Variants in GRM5 observed in about 807,000 individuals in gnomAD.
GRM5 encodes glutamate metabotropic receptor 5.
In GRM5, 19 loss-of-function variants were observed where a neutral mutation model predicts 83.1. The ratio of observed to expected loss-of-function variants is 0.23; its 90% CI spans 0.16 to 0.34. GRM5 has a LOEUF of 0.34. Ranked by LOEUF, GRM5 falls within the 10% of genes least tolerant of loss-of-function variation. The pLI, the probability that GRM5 is intolerant of heterozygous loss-of-function variation, is 1.00. For synonymous variants in GRM5, 675 were observed against 633.6 expected (o/e 1.07, Z -0.98); for missense variants, 1,160 against 1,588.3 (o/e 0.73, Z 4.58).
chr11:88,758,716 A>T (rs534685429), intron 3 of GRM5, among the ~76,000 whole-genome samples: 1 of 152,314 alleles, frequency 6.6e-6, no homozygotes, highest in African/African-American at 2.4e-5. Context: ...AGAGAGGCAA[A>T]TGTTTATATT....
In GRM5 at chr11:88,525,485, CTG is replaced by C. The variant is rs1941850068; in HGVS notation, c.2631-83_2631-82del. The stretch of plus-strand genomic sequence containing the variant: ...CTGCCAGGCTGAGGAACGGCCGTGA[CTG>C]TGGAGATGGTCACTCTGTGCCAAAA... On this transcript the variant is annotated intron_variant, in intron 8 of 9. Coordinates refer to ENST00000305447, the MANE Select transcript of GRM5 (RefSeq NM_001143831.3). 13 of 849,680 alleles carry C rather than the reference CTG, an allele frequency of 1.5e-5. No homozygotes were observed. In the South Asian group the frequency reaches 2.0e-4, roughly 13 times the overall value. The allele number at this position is 849,680 out of a possible 1,614,324, so 52.6% of individuals were successfully genotyped here.
intron 3 of GRM5, among the ~76,000 whole-genome samples, chr11:88,710,963 C>T (rs1817787045): frequency 6.6e-6 from 1 of 151,934 alleles, no homozygotes; most frequent in Non-Finnish European, 1.5e-5. Context: ...TTATCTCATT[C>T]CCTGGAGGGA....
intron 4 of GRM5, among the ~76,000 whole-genome samples, chr11:88,632,643 T>C (rs1939007855): frequency 6.6e-6 from 1 of 152,236 alleles, no homozygotes; most frequent in African/African-American, 2.4e-5. Context: ...TTTAGGTTTT[T>C]TGGCGTTTGA....
chr11:89,043,041 G>A (rs751412061), intron 2 of GRM5, among the ~76,000 whole-genome samples: 1 of 152,092 alleles, frequency 6.6e-6, no homozygotes, highest in Non-Finnish European at 1.5e-5. Flanking sequence ...GCGTGAACAG[G>A]ATTTTACAAT....
chr11:88,732,249 A>C (rs892470873), intron 3 of GRM5, among the ~76,000 whole-genome samples: 7 of 152,200 alleles, frequency 4.6e-5, no homozygotes, highest in South Asian at 4.2e-4. Context: ...CACTTCAAGA[A>C]TCTAATCCAG....
At chr11:88,950,351 A>AGTGTGTGTGTGTGT in intron 2 of GRM5, among the ~76,000 whole-genome samples, 1 of 147,494 alleles carries the variant, frequency 6.8e-6, no homozygotes, top group East Asian at 2.0e-4. Flanking sequence ...TTGTGAGATA[A>AGTGTGTGTGTGTGT]GTGTGTGTGT....
chr11:88,940,356 C>A (rs1263780108), intron 2 of GRM5, among the ~76,000 whole-genome samples: 1 of 150,254 alleles, frequency 6.7e-6, no homozygotes, highest in Non-Finnish European at 1.5e-5. Flanking sequence ...GCAATTCAGC[C>A]TCCAGGGACA....
chr11:88,851,319 C>T (rs1309288579), intron 2 of GRM5, among the ~76,000 whole-genome samples: 1 of 152,038 alleles, frequency 6.6e-6, no homozygotes, highest in Non-Finnish European at 1.5e-5. Context: ...ACAAGATAAC[C>T]AAGCTGTAGA....
intron 2 of GRM5, among the ~76,000 whole-genome samples, chr11:88,965,261 C>T (rs945913141): frequency 6.6e-6 from 1 of 152,080 alleles, no homozygotes; most frequent in Non-Finnish European, 1.5e-5. Context: ...ATCAGTTTGC[C>T]AGTGTGTTGA....
At chr11:89,039,303 T>A (rs1941472452) in intron 2 of GRM5, among the ~76,000 whole-genome samples, 1 of 151,376 alleles carries the variant, frequency 6.6e-6, no homozygotes, top group Non-Finnish European at 1.5e-5. Context: ...ATAAAGTGAT[T>A]ATGTTTCAAC....
chr11:88,566,639 G>A (rs11020449), intron 8 of GRM5, among the ~76,000 whole-genome samples: 2,497 of 152,240 alleles, frequency 0.016, 31 homozygotes, highest in East Asian at 0.042. Flanking sequence ...GATGTGTCGA[G>A]TTCTTGGCAT....
chr11:88,812,735 A>AT (rs1278081745), intron 3 of GRM5, among the ~76,000 whole-genome samples: 6 of 152,064 alleles, frequency 3.9e-5, no homozygotes, highest in Admixed American at 1.3e-4. Context: ...ACGAAATTTC[A>AT]TTTTTTTCCC....
intron 4 of GRM5, among the ~76,000 whole-genome samples, chr11:88,613,648 A>C (rs554883912): frequency 1.3e-5 from 2 of 152,196 alleles, no homozygotes; most frequent in East Asian, 3.9e-4. Context: ...TTGCCATTTT[A>C]TGCCTTTTAA....
At chr11:88,792,476 G>C (rs1207877806) in intron 3 of GRM5, among the ~76,000 whole-genome samples, 1 of 152,038 alleles carries the variant, frequency 6.6e-6, no homozygotes, top group Non-Finnish European at 1.5e-5. Context: ...TTAACATACT[G>C]TGTTCAAAAA....
chr11:88,569,570 T>A (rs762424529), intron 7 of GRM5, among the ~76,000 whole-genome samples: 1 of 152,214 alleles, frequency 6.6e-6, no homozygotes, highest in Non-Finnish European at 1.5e-5. Flanking sequence ...GAAAGTAACC[T>A]TTTTCCCTTC....
chr11:88,804,104 C>T (rs1427145637), intron 3 of GRM5, among the ~76,000 whole-genome samples: 1 of 152,166 alleles, frequency 6.6e-6, no homozygotes, highest in Non-Finnish European at 1.5e-5. Context: ...TAAACTAGTT[C>T]AACCCTTGTG....
rs149451633 is a variant in GRM5 at position 88,757,323 on chromosome 11, A to G, written c.911+92583T>C. The stretch of plus-strand genomic sequence containing the variant: ...TTTGCATTCCCTGTCCTGCTAGCAC[A>G]TGTGTGCATGTGCACTCTGCCATGC... On this transcript the variant is annotated intron_variant, in intron 3 of 9. Transcript: ENST00000305447. 1.1e-3 allele frequency among the ~76,000 whole-genome samples: 168 copies of G among 152,240 alleles called. 2 individuals are homozygous for G. The South Asian group carries it at 0.015, about 13-fold the overall frequency.
At chr11:89,007,958 A>G (rs1351518751) in intron 2 of GRM5, among the ~76,000 whole-genome samples, 1 of 152,242 alleles carries the variant, frequency 6.6e-6, no homozygotes, top group Non-Finnish European at 1.5e-5. Context: ...TATCTATAAT[A>G]TAACTTCAAA....
intron 3 of GRM5, among the ~76,000 whole-genome samples, chr11:88,698,792 G>C (rs762779536): frequency 2.6e-5 from 4 of 152,180 alleles, no homozygotes; most frequent in East Asian, 1.9e-4. Context: ...CATTGCTCCT[G>C]GTACAGAGAA....
Sources: gnomAD v4.1 joint callset for allele counts (sites outside exome capture counted in the v4.1 genomes callset) on GRCh38, gnomAD v4.1.1 for gene constraint, MANE v1.5 for transcripts, NCBI Gene and HGNC (gene_info 2026-07-23, HGNC 2026-07-21) for gene names.